CPNE4: variants seen among roughly 807,000 people sequenced by gnomAD.
CPNE4 encodes the protein copine 4.
A neutral mutation model predicts 67.9 loss-of-function variants in CPNE4; 25 were observed. That is an observed-to-expected ratio of 0.37 (90% CI 0.27 to 0.51). The LOEUF (loss-of-function observed/expected upper bound fraction) is 0.51. Among genes scored for constraint, CPNE4 ranks in the 20% least tolerant of loss-of-function variants. CPNE4 has a pLI of 0.93. For missense variants in CPNE4, 464 were observed against 690.8 expected, an observed-to-expected ratio of 0.67 and a Z score of 3.68; for synonymous variants, 242 against 244.9, an observed-to-expected ratio of 0.99 and a Z score of 0.11.
At chr3:131,826,568 T>C (rs2085168012) in intron 2 of CPNE4, among the ~76,000 whole-genome samples, 1 of 150,240 alleles carries the variant, frequency 6.7e-6, no homozygotes, top group South Asian at 2.1e-4. Context: ...AGTTGTTTTT[T>C]TGTTTGTTTG....
At chr3:131,880,778 G>A (rs1352450793) in intron 2 of CPNE4, among the ~76,000 whole-genome samples, 2 of 152,208 alleles carry the variant, frequency 1.3e-5, no homozygotes, top group Non-Finnish European at 2.9e-5. Flanking sequence ...TGGAATGCAT[G>A]TACATTGCAA....
chr3:131,955,410 GTTTTTTTTTT>G (rs766033406), intron 1 of CPNE4, among the ~76,000 whole-genome samples: 2 of 42,270 alleles, frequency 4.7e-5, no homozygotes, highest in Admixed American at 3.0e-4. Context: ...TGTATGTAAG[GTTTTTTTTTT>G]TTTTTTTTTT....
intron 2 of CPNE4, among the ~76,000 whole-genome samples, chr3:131,793,816 G>A (rs2083848112): frequency 6.6e-6 from 1 of 152,112 alleles, no homozygotes; most frequent in African/African-American, 2.4e-5. Flanking sequence ...AAACCTTCAT[G>A]TCTGTATACA....
At chr3:131,701,982 G>T (rs1375737781) in intron 3 of CPNE4, among the ~76,000 whole-genome samples, 2 of 152,034 alleles carry the variant, frequency 1.3e-5, no homozygotes, top group Non-Finnish European at 2.9e-5. Context: ...AAGGCCAGGA[G>T]GTAAACTCAT....
chr3:131,563,718 C>T (rs573587440), intron 11 of CPNE4, among the ~76,000 whole-genome samples: 21 of 152,106 alleles, frequency 1.4e-4, no homozygotes, highest in South Asian at 4.1e-4. Context: ...CCTCTGGCTA[C>T]GTGATAGTGT....
chr3:131,829,471 A>G (rs1205904336), intron 2 of CPNE4, among the ~76,000 whole-genome samples: 1 of 152,192 alleles, frequency 6.6e-6, no homozygotes, highest in Non-Finnish European at 1.5e-5. Context: ...TAGGGACAGT[A>G]TCTTTATACC....
chr3:131,543,864 T>C (rs1378553404), intron 14 of CPNE4, among the ~76,000 whole-genome samples: 1 of 152,186 alleles, frequency 6.6e-6, no homozygotes, highest in African/African-American at 2.4e-5. Flanking sequence ...AAGGTTGCAG[T>C]GCTCCCATGG....
At chr3:131,679,524 T>C (rs543915135) in intron 6 of CPNE4, among the ~76,000 whole-genome samples, 15 of 152,276 alleles carry the variant, frequency 9.9e-5, no homozygotes, top group Admixed American at 2.6e-4. Flanking sequence ...GATGTTAGGT[T>C]GTTAACTTGA....
chr3:131,970,346 T>A (rs571801896), intron 1 of CPNE4, among the ~76,000 whole-genome samples: 1 of 152,302 alleles, frequency 6.6e-6, no homozygotes, highest in Non-Finnish European at 1.5e-5. Context: ...GATTTGGAGC[T>A]TATTTGTTAC....
At chr3:131,817,499 T>C (rs1054267003) in intron 2 of CPNE4, among the ~76,000 whole-genome samples, 53 of 152,096 alleles carry the variant, frequency 3.5e-4, no homozygotes, top group African/African-American at 1.2e-3. Flanking sequence ...AGTCAAAACA[T>C]GTTGGGCCAA....
chr3:131,641,843 A>G (rs1222882166), intron 7 of CPNE4, among the ~76,000 whole-genome samples: 1 of 152,186 alleles, frequency 6.6e-6, no homozygotes, highest in Non-Finnish European at 1.5e-5. Context: ...GGAACAAAAC[A>G]TTGGCATTCG....
At chr3:132,029,688 G>T (rs1309912272) in intron 1 of CPNE4, among the ~76,000 whole-genome samples, 1 of 152,176 alleles carries the variant, frequency 6.6e-6, no homozygotes, top group Non-Finnish European at 1.5e-5. Context: ...CCGAAATACT[G>T]TATTTTCCCC....
chr3:131,862,802 C>T (rs2086746233), intron 2 of CPNE4, among the ~76,000 whole-genome samples: 1 of 151,988 alleles, frequency 6.6e-6, no homozygotes, highest in Non-Finnish European at 1.5e-5. Flanking sequence ...TGGTGTGCTG[C>T]ACCCATTAAC....
intron 2 of CPNE4, among the ~76,000 whole-genome samples, chr3:131,842,239 C>G (rs539551533): frequency 6.6e-6 from 1 of 152,176 alleles, no homozygotes; most frequent in Non-Finnish European, 1.5e-5. Flanking sequence ...GCCAAAGGGC[C>G]AATAAGCTGA....
intron 2 of CPNE4, among the ~76,000 whole-genome samples, chr3:131,785,439 C>T (rs777242078): frequency 2.0e-5 from 3 of 152,080 alleles, no homozygotes; most frequent in South Asian, 2.1e-4. Context: ...CCTACTGTGA[C>T]GCCATGACCA....
At chr3:131,771,784 T>G (rs1029276203) in intron 2 of CPNE4, among the ~76,000 whole-genome samples, 6 of 152,154 alleles carry the variant, frequency 3.9e-5, no homozygotes, top group African/African-American at 1.4e-4. Context: ...ACATTGATTT[T>G]TCAAAATCCC....
chr3:131,573,637 A>G (rs1284068433), intron 10 of CPNE4, among the ~76,000 whole-genome samples: 1 of 152,114 alleles, frequency 6.6e-6, no homozygotes, highest in Non-Finnish European at 1.5e-5. Flanking sequence ...GTTTCCTGAA[A>G]TCACGTTTTT....
chr3:131,683,193 G>A (rs1402597950), intron 6 of CPNE4, among the ~76,000 whole-genome samples: 1 of 152,086 alleles, frequency 6.6e-6, no homozygotes, highest in Non-Finnish European at 1.5e-5. Context: ...CCTGTCCTTT[G>A]CTCAAGCAGA....
At chr3:131,693,190 A>G (rs533660813) in intron 5 of CPNE4, among the ~76,000 whole-genome samples, 5 of 152,270 alleles carry the variant, frequency 3.3e-5, no homozygotes, top group Non-Finnish European at 1.5e-5. Flanking sequence ...TGGTTTGCAA[A>G]AGTACTTAGT....
Sources: allele counts gnomAD v4.1 joint callset (sites outside exome capture counted in the v4.1 genomes callset), GRCh38; gene constraint gnomAD v4.1.1; transcripts MANE v1.5; gene names NCBI Gene and HGNC (gene_info 2026-07-23, HGNC 2026-07-21).